Variants in LIPA observed in about 807,000 individuals in gnomAD.
LIPA encodes lysosomal acid lipase/cholesteryl ester hydrolase.
In LIPA, 26 loss-of-function variants were observed where a neutral mutation model predicts 40.6. That is an observed-to-expected ratio of 0.64 (90% CI 0.47 to 0.89). LIPA has a LOEUF of 0.89. Ranked by LOEUF, LIPA falls within the 40% of genes least tolerant of loss-of-function variation. The probability of loss-of-function intolerance (pLI) is 0.00; values close to 1 mark genes in which losing one functional copy is unlikely to be tolerated. For missense variants in LIPA, 455 were observed against 479.6 expected (o/e 0.95, Z 0.48); for synonymous variants, 188 against 168.4 (o/e 1.12, Z -0.90).
intron 2 of LIPA, chr10:89,384,580 G>C: frequency 6.2e-7 from 1 of 1,614,180 alleles, no homozygotes; most frequent in Non-Finnish European, 8.5e-7. Flanking sequence ...CAATGCTTTA[G>C]AGAAATTGGC....
intron 2 of LIPA, among the ~76,000 whole-genome samples, chr10:89,395,437 T>C (rs2133617706): frequency 6.6e-6 from 1 of 152,330 alleles, no homozygotes; most frequent in South Asian, 2.1e-4. Context: ...CTCTTCTCTC[T>C]GGATCTGTAA....
At chr10:89,266,707 T>C (rs531431360) in intron 1 of LIPA, among the ~76,000 whole-genome samples, 2 of 152,368 alleles carry the variant, frequency 1.3e-5, no homozygotes, top group South Asian at 4.1e-4. Context: ...TGTCTGACTA[T>C]TTTCCATTTC....
At chr10:89,337,087 T>A (rs1474003609) in intron 1 of LIPA, among the ~76,000 whole-genome samples, 2 of 152,210 alleles carry the variant, frequency 1.3e-5, no homozygotes, top group African/African-American at 4.8e-5. Flanking sequence ...GGGAGACTAC[T>A]TCAGTCAGAC....
intron 1 of LIPA, among the ~76,000 whole-genome samples, chr10:89,326,702 C>A (rs1843603034): frequency 6.6e-6 from 1 of 152,118 alleles, no homozygotes; most frequent in African/African-American, 2.4e-5. Context: ...ATATATATAT[C>A]TACTATGTGT....
At chr10:89,324,870 T>G (rs923291576) in intron 1 of LIPA, among the ~76,000 whole-genome samples, 1 of 152,238 alleles carries the variant, frequency 6.6e-6, no homozygotes, top group Non-Finnish European at 1.5e-5. Flanking sequence ...TCCTTTTTTA[T>G]GGATGCATTG....
intron 2 of LIPA, among the ~76,000 whole-genome samples, chr10:89,371,580 A>G (rs117751895): frequency 1.8e-4 from 28 of 152,334 alleles, no homozygotes; most frequent in Non-Finnish European, 3.8e-4. Context: ...AAGAAGAGGC[A>G]TCTCCATCGT....
In LIPA at chr10:89,225,148, C is replaced by CG; in HGVS notation, c.618dup (p.Ala207ArgfsTer5). On this transcript the variant is annotated frameshift_variant, in exon 6 of 10. Transcript: ENST00000336233. LOFTEE classifies it high-confidence loss of function. ...TTGGCCATAGGGCTAGTACAGAAGG[C>CG]GACGGAAGCCACAGGACCCAGGGCA... 7 of 1,614,054 alleles carry CG rather than the reference C, an allele frequency of 4.3e-6. No homozygotes were observed. Among genetic ancestry groups the CG allele is most frequent in the Non-Finnish European group, 5.9e-6 (7 of 1,179,984 alleles).
intron 1 of LIPA, among the ~76,000 whole-genome samples, chr10:89,281,172 T>C (rs748377013): frequency 3.7e-4 from 57 of 152,354 alleles, no homozygotes; most frequent in Non-Finnish European, 4.0e-4. Context: ...GTCAGAGCCC[T>C]CTTCTTGACT....
intron 1 of LIPA, among the ~76,000 whole-genome samples, chr10:89,267,720 A>G (rs1843244786): frequency 8.8e-6 from 1 of 113,330 alleles, no homozygotes; most frequent in South Asian, 2.9e-4. Flanking sequence ...CCTAAAACTT[A>G]AAGTATAATA....
At chr10:89,277,044 C>G (rs1322687052) in intron 1 of LIPA, among the ~76,000 whole-genome samples, 3 of 152,120 alleles carry the variant, frequency 2.0e-5, no homozygotes, top group African/African-American at 7.2e-5. Context: ...TGAATATATA[C>G]CTAATGGCTG....
chr10:89,338,304 G>A, intron 1 of LIPA: 1 of 189,224 alleles, frequency 5.3e-6, no homozygotes, highest in South Asian at 1.2e-4. Context: ...AACCAGGTAA[G>A]CCAATGGTGA....
chr10:89,348,413 C>T (rs1381140421), intron 2 of LIPA, among the ~76,000 whole-genome samples: 2 of 152,080 alleles, frequency 1.3e-5, no homozygotes, highest in Non-Finnish European at 2.9e-5. Flanking sequence ...AAAGTGTATA[C>T]AAAAAGGACA....
At chr10:89,275,121 G>A (rs1447795390) in intron 1 of LIPA, among the ~76,000 whole-genome samples, 1 of 152,170 alleles carries the variant, frequency 6.6e-6, no homozygotes, top group East Asian at 1.9e-4. Flanking sequence ...TTTTCAGTCA[G>A]GATGAGTCAG....
At chr10:89,342,087 A>G (rs1022619582) in intron 1 of LIPA, among the ~76,000 whole-genome samples, 11 of 152,202 alleles carry the variant, frequency 7.2e-5, no homozygotes, top group African/African-American at 2.7e-4. Context: ...TGTCAACTAA[A>G]TTTTTACTTT....
chr10:89,343,537 C>T (rs1843890317), upstream of LIPA, among the ~76,000 whole-genome samples: 1 of 152,130 alleles, frequency 6.6e-6, no homozygotes, highest in South Asian at 2.1e-4. Flanking sequence ...GCATGAAAGA[C>T]AAGAGGGCAG....
chr10:89,321,197 CA>C (rs1421684783), intron 1 of LIPA, among the ~76,000 whole-genome samples: 3 of 152,016 alleles, frequency 2.0e-5, no homozygotes, highest in African/African-American at 7.2e-5. Flanking sequence ...GCAATGGCAA[CA>C]AAAGCCAAAA....
chr10:89,282,378 G>A (rs574732671), intron 1 of LIPA, among the ~76,000 whole-genome samples: 7 of 151,856 alleles, frequency 4.6e-5, no homozygotes, highest in African/African-American at 1.7e-4. Context: ...TGGCTCATGC[G>A]TGTAATCTCA....
chr10:89,312,267 C>G (rs185957975), intron 1 of LIPA, among the ~76,000 whole-genome samples: 7 of 152,124 alleles, frequency 4.6e-5, no homozygotes, highest in African/African-American at 1.7e-4. Flanking sequence ...ATGGTGAAAC[C>G]CTATCTCTAC....
chr10:89,393,819 G>C (rs1306171456), intron 2 of LIPA, among the ~76,000 whole-genome samples: 1 of 152,078 alleles, frequency 6.6e-6, no homozygotes. Context: ...TTTTGAAGAG[G>C]TAAAAATTCC....
Sources: gnomAD v4.1 joint callset for allele counts (sites outside exome capture counted in the v4.1 genomes callset) on GRCh38, gnomAD v4.1.1 for gene constraint, MANE v1.5 for transcripts, NCBI Gene and HGNC (gene_info 2026-07-23, HGNC 2026-07-21) for gene names.